The following HS3ST4 variants were observed in gnomAD, a reference collection of about 807,000 sequenced individuals.
HS3ST4 encodes the protein heparan sulfate-glucosamine 3-sulfotransferase 4.
Under a neutral mutation model 29.2 loss-of-function variants are expected in HS3ST4, and 17 were observed. The observed-to-expected ratio is 0.58, with a 90% CI of 0.40 to 0.87. The LOEUF is 0.87. Ranked by LOEUF, HS3ST4 falls within the 40% of genes least tolerant of loss-of-function variation. HS3ST4 has a pLI of 0.00. For synonymous variants in HS3ST4, 314 were observed against 285.7 expected (o/e 1.10, Z -1.00); for missense variants, 627 against 634.5 (o/e 0.99, Z 0.13).
At chr16:25,832,404 C>T (rs1297947609) in intron 1 of HS3ST4, among the ~76,000 whole-genome samples, 3 of 152,184 alleles carry the variant, frequency 2.0e-5, no homozygotes, top group Non-Finnish European at 4.4e-5. Context: ...CAGTGAATGC[C>T]ACCAGGGAGG....
At chr16:26,072,239 G>A (rs1284596291) in intron 1 of HS3ST4, among the ~76,000 whole-genome samples, 1 of 152,140 alleles carries the variant, frequency 6.6e-6, no homozygotes, top group East Asian at 1.9e-4. Flanking sequence ...TGAACTATTT[G>A]TTAGGCTTAT....
At chr16:25,772,444 C>G (rs1465064474) in intron 1 of HS3ST4, among the ~76,000 whole-genome samples, 1 of 152,154 alleles carries the variant, frequency 6.6e-6, no homozygotes, top group Non-Finnish European at 1.5e-5. Context: ...TACAGAGCCT[C>G]TCTGATCCTC....
chr16:26,096,377 A>G (rs1898926085), intron 1 of HS3ST4, among the ~76,000 whole-genome samples: 1 of 152,202 alleles, frequency 6.6e-6, no homozygotes, highest in African/African-American at 2.4e-5. Flanking sequence ...CCAGCAGCAC[A>G]TCAAAAAGCT....
At chr16:25,924,440 T>G (rs1224677377) in intron 1 of HS3ST4, among the ~76,000 whole-genome samples, 1 of 152,188 alleles carries the variant, frequency 6.6e-6, no homozygotes, top group African/African-American at 2.4e-5. Flanking sequence ...AATCCAAAAC[T>G]GAAGTTATAG....
At chr16:25,885,323 A>G (rs1285225820) in intron 1 of HS3ST4, among the ~76,000 whole-genome samples, 1 of 152,200 alleles carries the variant, frequency 6.6e-6, no homozygotes, top group Non-Finnish European at 1.5e-5. Flanking sequence ...CAACTCTGCA[A>G]TAATCCAGAA....
intron 1 of HS3ST4, among the ~76,000 whole-genome samples, chr16:25,750,571 A>C (rs963451700): frequency 6.6e-6 from 1 of 152,200 alleles, no homozygotes; most frequent in Non-Finnish European, 1.5e-5. Flanking sequence ...GAAAAGCTCA[A>C]AGCTCAGAGT....
At chr16:25,789,803 AT>A (rs1966864978) in intron 1 of HS3ST4, among the ~76,000 whole-genome samples, 1 of 152,146 alleles carries the variant, frequency 6.6e-6, no homozygotes, top group Non-Finnish European at 1.5e-5. Context: ...AATACTGCCT[AT>A]TCGAACTTCA....
At chr16:26,121,687 T>C (rs893482346) in intron 1 of HS3ST4, among the ~76,000 whole-genome samples, 31 of 152,150 alleles carry the variant, frequency 2.0e-4, no homozygotes, top group African/African-American at 7.2e-4. Context: ...GAGCCCTCTG[T>C]TGTCACTGTC....
intron 1 of HS3ST4, among the ~76,000 whole-genome samples, chr16:25,748,233 G>A (rs1475590287): frequency 6.6e-6 from 1 of 152,068 alleles, no homozygotes; most frequent in Non-Finnish European, 1.5e-5. Context: ...CTTTCTTAAT[G>A]GTTGCATGCC....
intron 1 of HS3ST4, among the ~76,000 whole-genome samples, chr16:25,729,059 G>A (rs867284281): frequency 1.3e-5 from 2 of 152,022 alleles, no homozygotes; most frequent in Non-Finnish European, 2.9e-5. Flanking sequence ...CTCCAGCCTG[G>A]GCGACGGAAC....
intron 1 of HS3ST4, among the ~76,000 whole-genome samples, chr16:25,731,394 G>T (rs1596555267): frequency 6.6e-6 from 1 of 152,218 alleles, no homozygotes; most frequent in East Asian, 1.9e-4. Context: ...AGGCTGGAGT[G>T]CAGTGGCACA....
intron 1 of HS3ST4, among the ~76,000 whole-genome samples, chr16:25,882,327 T>C (rs139129694): frequency 1.9e-4 from 29 of 152,266 alleles, no homozygotes; most frequent in African/African-American, 7.0e-4. Context: ...TTGGAGACTT[T>C]GGGACATAGT....
At chr16:26,036,975 T>A (rs1045134900) in intron 1 of HS3ST4, among the ~76,000 whole-genome samples, 2 of 152,176 alleles carry the variant, frequency 1.3e-5, no homozygotes, top group East Asian at 3.9e-4. Context: ...GTGACCAACA[T>A]GAACCAGCTC....
chr16:25,849,084 T>G (rs1308569142), intron 1 of HS3ST4, among the ~76,000 whole-genome samples: 2 of 152,202 alleles, frequency 1.3e-5, no homozygotes, highest in African/African-American at 4.8e-5. Context: ...TGTTACTTAT[T>G]TTTGGTTCTT....
intron 1 of HS3ST4, among the ~76,000 whole-genome samples, chr16:25,797,970 C>T (rs1427281244): frequency 1.3e-5 from 2 of 152,162 alleles, no homozygotes; most frequent in Admixed American, 1.3e-4. Context: ...ACATGCATGG[C>T]AGAGGCCATA....
At chr16:25,939,722 C>G (rs1044666165) in intron 1 of HS3ST4, among the ~76,000 whole-genome samples, 2 of 152,112 alleles carry the variant, frequency 1.3e-5, no homozygotes, top group African/African-American at 2.4e-5. Flanking sequence ...TTGCACTGCT[C>G]AGGCTGCGCT....
chr16:25,771,130 C>G (rs577336886), intron 1 of HS3ST4, among the ~76,000 whole-genome samples: 17 of 152,236 alleles, frequency 1.1e-4, no homozygotes, highest in Admixed American at 6.5e-4. Context: ...CTAATGCTCT[C>G]CCTTCCCTTG....
chr16:25,923,761 G>C (rs1265161572), intron 1 of HS3ST4, among the ~76,000 whole-genome samples: 1 of 152,140 alleles, frequency 6.6e-6, no homozygotes, highest in African/African-American at 2.4e-5. Context: ...TTCATGAATT[G>C]ATTGATTGAT....
At chr16:25,998,174 G>A (rs944702481) in intron 1 of HS3ST4, among the ~76,000 whole-genome samples, 2 of 152,182 alleles carry the variant, frequency 1.3e-5, no homozygotes, top group East Asian at 1.9e-4. Context: ...CCAGTTACTC[G>A]GGAGGCTGAA....
Sources: gnomAD v4.1 joint callset for allele counts (sites outside exome capture counted in the v4.1 genomes callset) on GRCh38, gnomAD v4.1.1 for gene constraint, MANE v1.5 for transcripts, NCBI Gene and HGNC (gene_info 2026-07-23, HGNC 2026-07-21) for gene names.